The following UBE2R2 variants were observed in gnomAD, a reference collection of about 807,000 sequenced individuals.
The protein encoded by UBE2R2 is ubiquitin conjugating enzyme E2 R2, also known as ubiquitin-conjugating enzyme E2 R2.
A neutral mutation model predicts 27.8 loss-of-function variants in UBE2R2; 1 was observed. The ratio of observed to expected loss-of-function variants is 0.04; its 90% CI spans 0.01 to 0.17. The LOEUF (loss-of-function observed/expected upper bound fraction) is 0.17. Among genes scored for constraint, UBE2R2 ranks in the 10% least tolerant of loss-of-function variants. UBE2R2 has a pLI of 1.00. For synonymous variants in UBE2R2, 106 were observed against 113.3 expected (o/e 0.94, Z 0.41); for missense variants, 100 against 291.0 (o/e 0.34, Z 4.78).
chr9:33,846,601 G>A (rs1216011463), intron 1 of UBE2R2, among the ~76,000 whole-genome samples: 1 of 152,032 alleles, frequency 6.6e-6, no homozygotes, highest in Non-Finnish European at 1.5e-5. Flanking sequence ...CTCTCAAAAC[G>A]TTGTCAAATA....
At chr9:33,818,243 G>T (rs534990094) in intron 1 of UBE2R2, among the ~76,000 whole-genome samples, 2 of 152,252 alleles carry the variant, frequency 1.3e-5, no homozygotes. Flanking sequence ...CTGAGGGTGG[G>T]TGGAAAGAGC....
chr9:33,852,376 T>C (rs1820988091), intron 1 of UBE2R2, among the ~76,000 whole-genome samples: 1 of 152,212 alleles, frequency 6.6e-6, no homozygotes, highest in Non-Finnish European at 1.5e-5. Flanking sequence ...TCCAGCTGCA[T>C]GATCCAAATC....
intron 1 of UBE2R2, among the ~76,000 whole-genome samples, chr9:33,840,748 G>A (rs1820716079): frequency 6.6e-6 from 1 of 151,842 alleles, no homozygotes; most frequent in African/African-American, 2.4e-5. Context: ...AAAATTTTTT[G>A]TTGGAATACT....
Position 33,916,986 on chromosome 9 carries a change from C to T in UBE2R2, c.498-32C>T, listed in dbSNP as rs191187136. The T allele has an allele frequency of 1.6e-4, 262 of 1,611,996 alleles. 1 individual carries two copies. In the African/African-American group the frequency reaches 2.7e-3, roughly 17 times the overall value. On this transcript the variant is annotated intron_variant, in intron 4 of 4. Coordinates refer to ENST00000263228, the MANE Select transcript of UBE2R2 (RefSeq NM_017811.4). ...AAATCTGTCTTAAAAAAAGACTTAC[C>T]GTAAACCATTTCTGTGTCAACCTCC...
intron 1 of UBE2R2, among the ~76,000 whole-genome samples, chr9:33,883,656 A>G (rs1236911102): frequency 1.3e-5 from 2 of 148,364 alleles, no homozygotes; most frequent in African/African-American, 2.5e-5. Context: ...TGGAGGTTGC[A>G]GTGAGCCGAG....
chr9:33,866,599 C>T (rs977563036), intron 1 of UBE2R2, among the ~76,000 whole-genome samples: 1 of 152,104 alleles, frequency 6.6e-6, no homozygotes, highest in Non-Finnish European at 1.5e-5. Context: ...ATAAATATAG[C>T]AGTTGGTGGA....
intron 1 of UBE2R2, among the ~76,000 whole-genome samples, chr9:33,852,676 C>T (rs950349941): frequency 7.2e-5 from 11 of 152,050 alleles, no homozygotes; most frequent in Non-Finnish European, 8.8e-5. Context: ...TAGGTAACTG[C>T]GTTTACTGTT....
intron 1 of UBE2R2, among the ~76,000 whole-genome samples, chr9:33,824,784 C>T (rs1232349637): frequency 7.4e-6 from 1 of 135,014 alleles, no homozygotes; most frequent in African/African-American, 2.9e-5. Flanking sequence ...GCCTGGGCAA[C>T]AGAGTGAAGC....
chr9:33,843,677 C>T (rs1820779919), intron 1 of UBE2R2, among the ~76,000 whole-genome samples: 2 of 152,016 alleles, frequency 1.3e-5, no homozygotes, highest in African/African-American at 4.8e-5. Flanking sequence ...TGGGGTTTCA[C>T]CATGTTGTCC....
intron 1 of UBE2R2, among the ~76,000 whole-genome samples, chr9:33,849,558 G>C (rs1563987714): frequency 1.3e-5 from 2 of 151,566 alleles, no homozygotes; most frequent in Non-Finnish European, 2.9e-5. Flanking sequence ...TGCCTCATAG[G>C]GTTGTTTTAA....
chr9:33,897,537 C>T (rs1227619291), intron 2 of UBE2R2, among the ~76,000 whole-genome samples: 4 of 151,570 alleles, frequency 2.6e-5, no homozygotes, highest in East Asian at 2.0e-4. Context: ...AGGCTGGTCT[C>T]GAACTCCTGA....
intron 1 of UBE2R2, among the ~76,000 whole-genome samples, chr9:33,831,721 G>A (rs1031833915): frequency 3.3e-5 from 5 of 152,030 alleles, no homozygotes; most frequent in East Asian, 1.9e-4. Flanking sequence ...GTGCAGAGGC[G>A]CGGTCTTGGC....
chr9:33,917,160 G>A lies in UBE2R2; in HGVS notation c.640G>A (p.Asp214Asn), dbSNP rs143620598. 3.5e-5 allele frequency: 57 copies of A among 1,614,046 alleles called. No homozygotes were observed. The highest frequency in any genetic ancestry group is 4.6e-5 in the Non-Finnish European group (54 of 1,180,040). Residue 214 changes from aspartate (D) to asparagine (N), a missense_variant, in exon 5 of 5, where the codon GAC becomes AAC. Asp to Asn is a conservative substitution (Grantham distance 23). Coordinates refer to ENST00000263228, the MANE Select transcript of UBE2R2 (RefSeq NM_017811.4). ...DLLYDDLYDD[D>N]IDDEDEEEED... ...GCTTTACGACGACTTGTATGATGAC[G>A]ACATTGATGATGAAGATGAGGAGGA...
At chr9:33,857,406 C>T (rs1361883757) in intron 1 of UBE2R2, among the ~76,000 whole-genome samples, 1 of 152,096 alleles carries the variant, frequency 6.6e-6, no homozygotes, top group Non-Finnish European at 1.5e-5. Context: ...ACAACCTCCA[C>T]CTCCCAGGTT....
chr9:33,878,847 T>C (rs1341999938), intron 1 of UBE2R2, among the ~76,000 whole-genome samples: 3 of 152,102 alleles, frequency 2.0e-5, no homozygotes, highest in African/African-American at 7.2e-5. Context: ...CACAGGAAGA[T>C]TGTGAGTTAT....
intron 1 of UBE2R2, among the ~76,000 whole-genome samples, chr9:33,873,832 G>A (rs1465919722): frequency 6.6e-6 from 1 of 152,058 alleles, no homozygotes; most frequent in Non-Finnish European, 1.5e-5. Flanking sequence ...GTGTGGAGAC[G>A]GGGTTTCACC....
At chr9:33,831,478 G>A (rs769091732) in intron 1 of UBE2R2, among the ~76,000 whole-genome samples, 3 of 151,966 alleles carry the variant, frequency 2.0e-5, no homozygotes, top group African/African-American at 2.4e-5. Flanking sequence ...GTGCAGTGGC[G>A]CCATCTCGGC....
intron 1 of UBE2R2, among the ~76,000 whole-genome samples, chr9:33,824,026 A>T (rs963605630): frequency 6.6e-6 from 1 of 152,200 alleles, no homozygotes; most frequent in Non-Finnish European, 1.5e-5. Context: ...ATGGAAACAC[A>T]GTTAAGGTCT....
At chr9:33,903,633 AT>A (rs1259422055) in intron 3 of UBE2R2, among the ~76,000 whole-genome samples, 1 of 152,290 alleles carries the variant, frequency 6.6e-6, no homozygotes, top group East Asian at 1.9e-4. Context: ...TTCTTTTAAA[AT>A]AGGCCTACTT....
Sources: gnomAD v4.1 joint callset for allele counts (sites outside exome capture counted in the v4.1 genomes callset) on GRCh38, gnomAD v4.1.1 for gene constraint, MANE v1.5 for transcripts, NCBI Gene and HGNC (gene_info 2026-07-23, HGNC 2026-07-21) for gene names.